Variants in NAA35 observed in about 807,000 individuals in gnomAD.
NAA35 encodes N-alpha-acetyltransferase 35, NatC auxiliary subunit.
NAA35 carries 18 observed loss-of-function variants against 101.7 expected under a neutral mutation model. That is an observed-to-expected ratio of 0.18 (90% CI 0.12 to 0.26). The LOEUF (loss-of-function observed/expected upper bound fraction) is 0.26, where lower values mean the gene tolerates loss of function less well. Among genes scored for constraint, NAA35 ranks in the 10% least tolerant of loss-of-function variants. NAA35 has a pLI of 1.00. For missense variants in NAA35, 601 were observed against 886.8 expected (o/e 0.68, Z 4.09); for synonymous variants, 267 against 273.1 (o/e 0.98, Z 0.22).
chr9:85,998,455 ATATATT>A (rs1391140159), intron 12 of NAA35, among the ~76,000 whole-genome samples: 2 of 152,220 alleles, frequency 1.3e-5, no homozygotes, highest in Admixed American at 6.5e-5. Context: ...ACTAAGATGA[ATATATT>A]TATAGGTAAC....
rs763380831 is a variant in NAA35, at chr9:85,945,702, G to A, written c.124+3419G>A. On this transcript the variant is annotated intron_variant, in intron 2 of 22. Transcript: ENST00000361671. ...CCTGGCTAATTTTTTTGTATTTTTA[G>A]TAGAGACGGGGTTTCACCGTGTTAG... Among the ~76,000 whole-genome samples, 52 of 152,100 alleles carry A rather than the reference G, an allele frequency of 3.4e-4. 1 individual carries two copies. The highest frequency in any genetic ancestry group is 6.5e-4 in the Non-Finnish European group (44 of 67,984).
At chr9:85,941,620 T>C (rs1240333409) in intron 1 of NAA35, 1 of 986,238 alleles carries the variant, frequency 1.0e-6, no homozygotes, top group Non-Finnish European at 1.2e-6. Flanking sequence ...GCCTCGGCCC[T>C]AGGCCCGGCC....
intron 3 of NAA35, among the ~76,000 whole-genome samples, chr9:85,956,985 C>T (rs572298303): frequency 4.6e-5 from 7 of 152,170 alleles, no homozygotes; most frequent in East Asian, 3.9e-4. Context: ...AGAGAGAACC[C>T]GAGGAAGTCA....
At chr9:86,013,185 C>T (rs750542719) in intron 16 of NAA35, 41 bp downstream of exon 16, 9 of 1,238,602 alleles carry the variant, frequency 7.3e-6, no homozygotes, top group Non-Finnish European at 1.0e-5. Context: ...TTAAATGATG[C>T]ACACACTTTG....
At chr9:85,957,177 A>C (rs1030799403) in intron 3 of NAA35, among the ~76,000 whole-genome samples, 3 of 152,220 alleles carry the variant, frequency 2.0e-5, no homozygotes, top group Non-Finnish European at 4.4e-5. Flanking sequence ...TAAACCATTG[A>C]TTAACACATA....
At chr9:85,948,956 C>G (rs1478807562) in intron 2 of NAA35, among the ~76,000 whole-genome samples, 1 of 152,010 alleles carries the variant, frequency 6.6e-6, no homozygotes, top group East Asian at 1.9e-4. Context: ...GGGGTTTCGC[C>G]CTGTTGGCCA....
chr9:86,019,245 G>C (rs1161863962), intron 21 of NAA35, among the ~76,000 whole-genome samples: 1 of 151,968 alleles, frequency 6.6e-6, no homozygotes, highest in Non-Finnish European at 1.5e-5. Flanking sequence ...GATCACCTTA[G>C]GTCAGGAGTT....
At position 85,986,388 on chromosome 9, in the gene NAA35, G is replaced by A. The variant is rs1423058568; in HGVS notation, c.877+8007G>A. The A allele has an allele frequency of 9.4e-5, 44 of 469,246 alleles. No homozygotes were observed. In the Admixed American group the frequency reaches 1.0e-3, roughly 11 times the overall value. The allele number at this position is 469,246 out of a possible 1,614,324, so 29.1% of individuals were successfully genotyped here. A position where few individuals can be genotyped will look rare whatever the true frequency, so the allele number is the denominator to read the frequency against. ...CAGTGTTGTAGGTGAGGGGACAGAA[G>A]TGTGTGCAGGCATGTAATTTGTATG... On this transcript the variant is annotated intron_variant, in intron 11 of 22. Transcript: ENST00000361671.
At chr9:85,987,853 G>A (rs1830717824) in intron 11 of NAA35, among the ~76,000 whole-genome samples, 1 of 152,208 alleles carries the variant, frequency 6.6e-6, no homozygotes, top group Non-Finnish European at 1.5e-5. Context: ...CTCACAAGAA[G>A]TTGACAAAAC....
In NAA35 at chr9:86,005,448, C is replaced by T. The variant is rs371297982; in HGVS notation, c.1116+1804C>T. ...GGGAAGAAGGCAAAGATGCCCACTT[C>T]GCTCTTACTGAACATTGGAAATCTT... On this transcript the variant is annotated intron_variant, in intron 13 of 22. Coordinates refer to ENST00000361671, the MANE Select transcript of NAA35 (RefSeq NM_024635.4). Among the ~76,000 whole-genome samples, 258 of 152,294 alleles carry T rather than the reference C, an allele frequency of 1.7e-3. 5 individuals are homozygous for T. In the South Asian group the frequency reaches 0.043, roughly 26 times the overall value.
chr9:85,996,436 C>T lies in NAA35; in HGVS notation c.915C>T (p.Asn305=). The T allele has an allele frequency of 6.2e-7, 1 of 1,606,216 alleles. No homozygotes were observed. The highest frequency in any genetic ancestry group is 1.3e-5 in the African/African-American group (1 of 74,406). The change falls in exon 12 of 23, where the codon AAC becomes AAT. Residue 305 remains asparagine, a synonymous_variant. Transcript: ENST00000361671. ...TGATGGGTTTTGAACCCCTTGTGAA[C>T]CAGAGGCTACTTCCACCTACCTTCC... The part of the protein sequence containing the change: ...PIMMGFEPLV[N]QRLLPPTFPR...
At chr9:86,002,363 G>T (rs1196405705) in intron 12 of NAA35, among the ~76,000 whole-genome samples, 1 of 152,046 alleles carries the variant, frequency 6.6e-6, no homozygotes, top group Non-Finnish European at 1.5e-5. Flanking sequence ...GTAGAATCTT[G>T]CAGGACTTCT....
chr9:86,021,148 G>T (rs760314260), intron 22 of NAA35, among the ~76,000 whole-genome samples, 179 bp downstream of exon 22: 27 of 152,252 alleles, frequency 1.8e-4, no homozygotes, highest in Admixed American at 3.3e-4. Context: ...TGTGTATTTT[G>T]TTGAGTTAAA....
rs563087388 is a variant in NAA35, at chr9:86,021,921, C to T, written c.2139C>T (p.Phe713=). ...AACAGGTTCCTCCTGAATTTGATTTCTCTGCTCATAAATATTTTCCTGTTG... is the reference window on the plus strand; with the variant it reads ...AACAGGTTCCTCCTGAATTTGATTTTTCTGCTCATAAATATTTTCCTGTTG... ...KESKVPPEFD[F]SAHKYFPVVK... is the part of the protein sequence containing the mutation. The change falls in exon 23 of 23, where the codon TTC becomes TTT. Residue 713 remains phenylalanine (F), a synonymous_variant. Transcript: ENST00000361671. The T allele has an allele frequency of 2.1e-5, 34 of 1,613,202 alleles. No homozygotes were observed. In the East Asian group the frequency reaches 6.9e-4, roughly 33 times the overall value.
Position 86,025,190 on chromosome 9 carries a change from A to T in NAA35, c.*3230A>T, listed in dbSNP as rs1832732828. ...CTCTGGGCACTGGAAAAAGCCTGCAAAGGAGACTTATCAGGAAAATAAGCA... is the reference window on the plus strand; with the variant it reads ...CTCTGGGCACTGGAAAAAGCCTGCATAGGAGACTTATCAGGAAAATAAGCA... On this transcript the variant is annotated 3_prime_UTR_variant, in exon 23 of 23. Coordinates refer to ENST00000361671, the MANE Select transcript of NAA35 (RefSeq NM_024635.4). 6.6e-6 allele frequency among the ~76,000 whole-genome samples: 1 copy of T among 152,184 alleles called. No individual in the cohort carries two copies. The highest frequency in any genetic ancestry group is 1.5e-5 in the Non-Finnish European group (1 of 68,034).
intron 16 of NAA35, 52 bp downstream of exon 16, chr9:86,013,196 TC>T: frequency 1.8e-6 from 2 of 1,131,836 alleles, no homozygotes; most frequent in Non-Finnish European, 2.6e-6. Context: ...ACACACTTTG[TC>T]CAGATTTTTA....
At chr9:85,956,288 A>G (rs1214405045) in intron 2 of NAA35, 72 bp from the exon 3 acceptor site, 1 of 892,914 alleles carries the variant, frequency 1.1e-6, no homozygotes, top group Non-Finnish European at 1.7e-6. Context: ...TCAGGTGCTA[A>G]TGTCTTTTTT....
chr9:85,992,839 A>G (rs1162719101), intron 11 of NAA35, among the ~76,000 whole-genome samples: 1 of 152,204 alleles, frequency 6.6e-6, no homozygotes, highest in Non-Finnish European at 1.5e-5. Flanking sequence ...TCTAATTCTG[A>G]TGGCTGTATT....
At position 85,942,204 on chromosome 9, in the gene NAA35, G is replaced by T. The variant is rs1339684979; in HGVS notation, c.45G>T (p.Glu15Asp). The T allele has an allele frequency of 1.2e-6, 2 of 1,614,044 alleles. No homozygotes were observed. Among genetic ancestry groups the T allele is most frequent in the African/African-American group, 2.7e-5 (2 of 74,928 alleles). Residue 15 changes from glutamate (E) to aspartate (D), a missense_variant, in exon 2 of 23, where the codon GAG becomes GAT. By Grantham distance (45) the Glu-to-Asp change is conservative. Coordinates refer to ENST00000361671, the MANE Select transcript of NAA35 (RefSeq NM_024635.4). Reference protein sequence around the residue: ...ASVDDDDSGWELSMPEKMEKS... With the variant: ...ASVDDDDSGWDLSMPEKMEKS... ...TAGATGATGACGATTCAGGATGGGA[G>T]CTCAGTATGCCAGAAAAAATGGAGA...
Sources: allele counts gnomAD v4.1 joint callset (sites outside exome capture counted in the v4.1 genomes callset), GRCh38; gene constraint gnomAD v4.1.1; transcripts MANE v1.5; gene names NCBI Gene and HGNC (gene_info 2026-07-23, HGNC 2026-07-21).